Variants in NYAP2 observed in about 807,000 individuals in gnomAD.
The protein encoded by NYAP2 is neuronal tyrosine-phosphorylated phosphoinositide-3-kinase adapter 2.
A neutral mutation model predicts 50.4 loss-of-function variants in NYAP2; 23 were observed. The ratio of observed to expected loss-of-function variants is 0.46; its 90% CI spans 0.33 to 0.65. The LOEUF (loss-of-function observed/expected upper bound fraction) is 0.65. Among genes scored for constraint, NYAP2 ranks in the 30% least tolerant of loss-of-function variants. The probability of loss-of-function intolerance (pLI) is 0.02; values close to 1 mark genes in which losing one functional copy is unlikely to be tolerated. For synonymous variants in NYAP2, 394 were observed against 365.2 expected, an observed-to-expected ratio of 1.08 and a Z score of -0.90; for missense variants, 885 against 861.0, an observed-to-expected ratio of 1.03 and a Z score of -0.35.
At chr2:225,563,463 G>A (rs534609687) in intron 4 of NYAP2, among the ~76,000 whole-genome samples, 1 of 152,218 alleles carries the variant, frequency 6.6e-6, no homozygotes, top group East Asian at 1.9e-4. Flanking sequence ...TCAAAGGGGT[G>A]AGCATTGTGA....
chr2:225,685,048 G>A, the NYAP2 span, among the ~76,000 whole-genome samples: 1 of 152,260 alleles, frequency 6.6e-6, no homozygotes, highest in South Asian at 2.1e-4. Context: ...CTCATTTTGG[G>A]AAATGCATTC....
chr2:225,572,044 A>G (rs1692081548), intron 4 of NYAP2, among the ~76,000 whole-genome samples: 1 of 152,212 alleles, frequency 6.6e-6, no homozygotes, highest in Non-Finnish European at 1.5e-5. Flanking sequence ...CCTTTGCTCC[A>G]GTTCCCAAGA....
At chr2:225,563,397 A>G (rs1442726399) in intron 4 of NYAP2, among the ~76,000 whole-genome samples, 1 of 152,120 alleles carries the variant, frequency 6.6e-6, no homozygotes, top group Non-Finnish European at 1.5e-5. Context: ...TGGTGTTGGG[A>G]AATCACTTTT....
chr2:225,532,226 A>C (rs550263431), intron 4 of NYAP2, among the ~76,000 whole-genome samples: 4 of 152,154 alleles, frequency 2.6e-5, no homozygotes, highest in Non-Finnish European at 5.9e-5. Flanking sequence ...GCTTTTGAGC[A>C]GTTCTTCACC....
chr2:225,610,438 G>A (rs1049389222), intron 5 of NYAP2, among the ~76,000 whole-genome samples: 1 of 152,028 alleles, frequency 6.6e-6, no homozygotes, highest in African/African-American at 2.4e-5. Flanking sequence ...TTGTTAAAGG[G>A]CCTATGTCCA....
At chr2:225,673,199 G>A in the NYAP2 span, among the ~76,000 whole-genome samples, 1 of 152,128 alleles carries the variant, frequency 6.6e-6, no homozygotes, top group Non-Finnish European at 1.5e-5. Context: ...TTACTATCAT[G>A]AGAACAGCAC....
Position 225,628,944 on chromosome 2 carries a change from A to T in NYAP2, c.1828+1818A>T, listed in dbSNP as rs1156603762. On this transcript the variant is annotated intron_variant, in intron 6 of 6. Coordinates refer to ENST00000636099, the Ensembl canonical transcript of NYAP2. Reference sequence around the variant, plus strand: ...GCAAGACAGACAAATAGACAACTGCAGTATACTGTGTGTTTCAGTCAGGAT... The same window carrying T: ...GCAAGACAGACAAATAGACAACTGCTGTATACTGTGTGTTTCAGTCAGGAT... Among the ~76,000 whole-genome samples the T allele has an allele frequency of 2.0e-5, 3 of 152,168 alleles. No homozygotes were observed. In the East Asian group the frequency reaches 5.8e-4, roughly 29 times the overall value.
Position 225,584,908 on chromosome 2 carries a change from G to A in NYAP2, c.1618+1873G>A, listed in dbSNP as rs141946317. On this transcript the variant is annotated intron_variant, in intron 5 of 6. Transcript: ENST00000636099. ...ATTTCTAGAGCAGTTGTCAACTAGG[G>A]CAATTTGTCCCCTGGGATATTTGGC... Among the ~76,000 whole-genome samples the A allele has an allele frequency of 3.2e-3, 493 of 152,288 alleles. 2 individuals carry two copies. Among genetic ancestry groups the A allele is most frequent in the African/African-American group, 0.012 (481 of 41,568 alleles).
At chr2:225,532,042 T>C (rs1028564650) in intron 4 of NYAP2, among the ~76,000 whole-genome samples, 11 of 152,236 alleles carry the variant, frequency 7.2e-5, no homozygotes, top group Admixed American at 2.6e-4. Flanking sequence ...ATGTTATCAA[T>C]TGAGATGCAA....
At chr2:225,614,359 A>T (rs1386892370) in intron 5 of NYAP2, among the ~76,000 whole-genome samples, 1 of 152,214 alleles carries the variant, frequency 6.6e-6, no homozygotes. Context: ...ATTTTGAATG[A>T]AAAACTATTT....
chr2:225,686,664 C>A, the NYAP2 span, among the ~76,000 whole-genome samples: 1 of 151,960 alleles, frequency 6.6e-6, no homozygotes, highest in Non-Finnish European at 1.5e-5. Flanking sequence ...GATGCTGTAC[C>A]CATAGTGGGC....
intron 5 of NYAP2, among the ~76,000 whole-genome samples, chr2:225,593,143 G>A (rs1008570444): frequency 1.3e-5 from 2 of 152,018 alleles, no homozygotes; most frequent in Non-Finnish European, 2.9e-5. Flanking sequence ...GTTCCTACTG[G>A]CTACATCATG....
chr2:225,431,783 A>G (rs1689260013), intron 3 of NYAP2, among the ~76,000 whole-genome samples: 1 of 152,222 alleles, frequency 6.6e-6, no homozygotes, highest in Non-Finnish European at 1.5e-5. Context: ...AAGGCAAGCC[A>G]TGTTCCATCT....
chr2:225,532,611 C>T (rs1176292707), intron 4 of NYAP2, among the ~76,000 whole-genome samples: 1 of 152,196 alleles, frequency 6.6e-6, no homozygotes, highest in East Asian at 1.9e-4. Context: ...AGAAGCCAAA[C>T]TCCTTCTTCT....
At chr2:225,594,176 A>G (rs1214560854) in intron 5 of NYAP2, among the ~76,000 whole-genome samples, 1 of 152,216 alleles carries the variant, frequency 6.6e-6, no homozygotes, top group Non-Finnish European at 1.5e-5. Context: ...TAAAGAAGCA[A>G]TTTCAATCTG....
At chr2:225,505,008 G>GAAA (rs11372243) in intron 3 of NYAP2, among the ~76,000 whole-genome samples, 74 of 142,952 alleles carry the variant, frequency 5.2e-4, no homozygotes, top group South Asian at 8.8e-4. Flanking sequence ...ACTGCGTCTC[G>GAAA]AAAAAAAAAA....
chr2:225,552,088 C>T (rs1691688188), intron 4 of NYAP2, among the ~76,000 whole-genome samples: 1 of 152,224 alleles, frequency 6.6e-6, no homozygotes, highest in Admixed American at 6.5e-5. Context: ...GCTGGAATTA[C>T]AGGTGCGAGC....
chr2:225,438,008 C>CCT (rs151266414), intron 3 of NYAP2, among the ~76,000 whole-genome samples: 1 of 150,730 alleles, frequency 6.6e-6, no homozygotes, highest in Non-Finnish European at 1.5e-5. Flanking sequence ...TCATTCTTGC[C>CCT]CTCTCTCTCT....
At position 225,507,026 on chromosome 2, in the gene NYAP2, T is replaced by C. The variant is rs370021946; in HGVS notation, c.222-6345T>C. On this transcript the variant is annotated intron_variant, in intron 3 of 6. Transcript: ENST00000636099. ...GGTTTTTGAGCTCAACTCCAAAATA[T>C]CACTACAGAAAAGAATTACTCAAGC... Among the ~76,000 whole-genome samples, 14 of 152,276 alleles carry C rather than the reference T, an allele frequency of 9.2e-5. No individual in the cohort carries two copies. In the East Asian group the frequency reaches 2.7e-3, roughly 29 times the overall value.
Sources: allele counts gnomAD v4.1 joint callset (sites outside exome capture counted in the v4.1 genomes callset), GRCh38; gene constraint gnomAD v4.1.1; transcripts MANE v1.5; gene names NCBI Gene and HGNC (gene_info 2026-07-23, HGNC 2026-07-21).